The following MSRB3 variants were observed in gnomAD, a reference collection of about 807,000 sequenced individuals.
MSRB3 encodes methionine-R-sulfoxide reductase B3.
In MSRB3, 13 loss-of-function variants were observed where a neutral mutation model predicts 21.0. The ratio of observed to expected loss-of-function variants is 0.62; its 90% CI spans 0.40 to 0.98. The LOEUF is 0.98. Ranked by LOEUF, MSRB3 falls within the 50% of genes least tolerant of loss-of-function variation. The probability of loss-of-function intolerance (pLI) is 0.00; values close to 1 mark genes in which losing one functional copy is unlikely to be tolerated. For synonymous variants in MSRB3, 87 were observed against 88.6 expected (o/e 0.98, Z 0.10); for missense variants, 199 against 230.3 (o/e 0.86, Z 0.88).
intron 5 of MSRB3, among the ~76,000 whole-genome samples, chr12:65,450,161 A>G (rs1037082177): frequency 6.6e-6 from 1 of 152,150 alleles, no homozygotes; most frequent in African/African-American, 2.4e-5. Flanking sequence ...GCAAGCACCA[A>G]AGACGCTACA....
chr12:65,347,976 A>G (rs1040489505), intron 4 of MSRB3, among the ~76,000 whole-genome samples: 4 of 152,152 alleles, frequency 2.6e-5, no homozygotes, highest in African/African-American at 4.8e-5. Context: ...GTGCTGCTGG[A>G]TTCGATTTGC....
intron 5 of MSRB3, among the ~76,000 whole-genome samples, chr12:65,423,881 A>G (rs968544215): frequency 1.3e-5 from 2 of 152,136 alleles, no homozygotes; most frequent in African/African-American, 4.8e-5. Context: ...CATCTCTTCA[A>G]TTCTTTGGAA....
At chr12:65,433,987 G>C (rs1026481348) in intron 5 of MSRB3, among the ~76,000 whole-genome samples, 1 of 151,876 alleles carries the variant, frequency 6.6e-6, no homozygotes, top group African/African-American at 2.4e-5. Context: ...CTCAGTGGTG[G>C]AGAGTCTTTG....
intron 4 of MSRB3, among the ~76,000 whole-genome samples, chr12:65,337,430 CAAAAAAAAA>C (rs780302211): frequency 1.1e-4 from 5 of 43,572 alleles, no homozygotes; most frequent in Admixed American, 3.5e-4. Context: ...GAGACTACAT[CAAAAAAAAA>C]AAAAAAAAAA....
chr12:65,460,794 T>C (rs1323197182), intron 6 of MSRB3, among the ~76,000 whole-genome samples: 2 of 152,018 alleles, frequency 1.3e-5, no homozygotes, highest in East Asian at 3.9e-4. Flanking sequence ...TGTTTTCCTT[T>C]CTATTTAACC....
intron 1 of MSRB3, chr12:65,279,132 T>G: frequency 1.6e-6 from 2 of 1,278,480 alleles, no homozygotes; most frequent in Non-Finnish European, 1.0e-6. Context: ...ACTGACACCT[T>G]ATCCTGTCCC....
In MSRB3 at chr12:65,278,699, C is replaced by G. The variant is rs1367312421; in HGVS notation, c.-218C>G. Reference sequence around the variant, plus strand: ...TTTCCCGTCATGCCTCCCGCCGCCCCGTCCGTCGCCCGGAGCCGGGGAGGG... The same window carrying G: ...TTTCCCGTCATGCCTCCCGCCGCCCGGTCCGTCGCCCGGAGCCGGGGAGGG... On this transcript the variant is annotated 5_prime_UTR_variant, in exon 1 of 7. Transcript: ENST00000308259. 7.3e-7 allele frequency: 1 copy of G among 1,370,566 alleles called. No individual in the cohort carries two copies. Among genetic ancestry groups the G allele is most frequent in the Admixed American group, 1.9e-5 (1 of 52,604 alleles). 84.9% of individuals were successfully genotyped at this position (1,370,566 alleles called of 1,614,324 possible). A position where few individuals can be genotyped will look rare whatever the true frequency, so the allele number is the denominator to read the frequency against.
chr12:65,329,626 C>T (rs1296337315), intron 4 of MSRB3, among the ~76,000 whole-genome samples: 7 of 145,684 alleles, frequency 4.8e-5, no homozygotes, highest in South Asian at 2.2e-4. Flanking sequence ...CAAGCCTGGG[C>T]GACAGAGTAA....
At chr12:65,295,742 A>G (rs1407848904) in intron 1 of MSRB3, among the ~76,000 whole-genome samples, 2 of 152,308 alleles carry the variant, frequency 1.3e-5, no homozygotes, top group South Asian at 4.1e-4. Flanking sequence ...ACCTAAAAGC[A>G]AATAATATTT....
chr12:65,442,174 T>A (rs143215973), intron 5 of MSRB3, among the ~76,000 whole-genome samples: 25 of 152,104 alleles, frequency 1.6e-4, no homozygotes, highest in Admixed American at 1.6e-3. Context: ...AATAAAGATC[T>A]AAAGCCTATT....
rs537929650 is a variant in MSRB3 at position 65,326,895 on chromosome 12, C to T, written c.146C>T (p.Pro49Leu). ...CAGGAACTGAGGAAGCGGCTAACAC[C>T]CCTGCAGTACCATGTCACTCAGGAG... ...SQQELRKRLT[P>L]LQYHVTQEKG... is the part of the protein sequence containing the mutation. Residue 49 changes from proline to leucine, a missense_variant, in exon 3 of 7, where the codon CCC becomes CTC. Coordinates refer to ENST00000308259, the MANE Select transcript of MSRB3 (RefSeq NM_001031679.3). 1.9e-6 allele frequency: 3 copies of T among 1,613,798 alleles called. No homozygotes were observed. In the South Asian group the frequency reaches 3.3e-5, roughly 18 times the overall value.
chr12:65,439,639 A>G (rs2136677711), intron 5 of MSRB3, among the ~76,000 whole-genome samples: 1 of 151,758 alleles, frequency 6.6e-6, no homozygotes, highest in African/African-American at 2.4e-5. Context: ...GGTACAATAA[A>G]CATTAAACTT....
At chr12:65,301,835 C>T (rs1476423131) in intron 1 of MSRB3, among the ~76,000 whole-genome samples, 1 of 152,166 alleles carries the variant, frequency 6.6e-6, no homozygotes, top group Non-Finnish European at 1.5e-5. Context: ...CACGTATGTA[C>T]TTCAACCAAA....
intron 5 of MSRB3, among the ~76,000 whole-genome samples, chr12:65,433,985 T>C (rs563918675): frequency 7.9e-5 from 12 of 152,034 alleles, no homozygotes; most frequent in African/African-American, 2.9e-4. Context: ...TCCTCAGTGG[T>C]GGAGAGTCTT....
At chr12:65,329,761 C>T (rs1301975456) in intron 4 of MSRB3, among the ~76,000 whole-genome samples, 2 of 152,082 alleles carry the variant, frequency 1.3e-5, no homozygotes, top group African/African-American at 4.8e-5. Context: ...TAATATCTCT[C>T]CATAAATGTT....
chr12:65,349,596 C>T (rs1565847477), intron 4 of MSRB3, among the ~76,000 whole-genome samples: 1 of 147,276 alleles, frequency 6.8e-6, no homozygotes, highest in Non-Finnish European at 1.5e-5. Flanking sequence ...TTAATGATTG[C>T]CATTCTAACT....
At chr12:65,460,151 C>G (rs1050848777) in intron 6 of MSRB3, among the ~76,000 whole-genome samples, 2 of 152,212 alleles carry the variant, frequency 1.3e-5, no homozygotes, top group African/African-American at 4.8e-5. Flanking sequence ...ATTTCTTCAT[C>G]GAGCAACCAG....
chr12:65,315,304 A>T (rs988061051), intron 2 of MSRB3, among the ~76,000 whole-genome samples: 9 of 152,096 alleles, frequency 5.9e-5, no homozygotes, highest in African/African-American at 2.2e-4. Context: ...TCAATTTCCT[A>T]TATATTTTTA....
chr12:65,461,159 A>C (rs1008084943), intron 6 of MSRB3, among the ~76,000 whole-genome samples: 2 of 152,158 alleles, frequency 1.3e-5, no homozygotes, highest in Non-Finnish European at 2.9e-5. Flanking sequence ...GCTGCATCTG[A>C]GATCAGTAAT....
Sources: allele counts gnomAD v4.1 joint callset (sites outside exome capture counted in the v4.1 genomes callset), GRCh38; gene constraint gnomAD v4.1.1; transcripts MANE v1.5; gene names NCBI Gene and HGNC (gene_info 2026-07-23, HGNC 2026-07-21).